MBNL1: variants seen among roughly 807,000 people sequenced by gnomAD.
MBNL1 encodes muscleblind-like protein 1.
A neutral mutation model predicts 42.2 loss-of-function variants in MBNL1; 8 were observed. That is an observed-to-expected ratio of 0.19 (90% CI 0.11 to 0.34). MBNL1 has a LOEUF of 0.34. Among genes scored for constraint, MBNL1 ranks in the 10% least tolerant of loss-of-function variants. The probability of loss-of-function intolerance (pLI) is 1.00; values close to 1 mark genes in which losing one functional copy is unlikely to be tolerated. For missense variants in MBNL1, 309 were observed against 495.3 expected (o/e 0.62, Z 3.57); for synonymous variants, 169 against 173.9 (o/e 0.97, Z 0.22).
intron 2 of MBNL1, among the ~76,000 whole-genome samples, chr3:152,357,381 G>A (rs1369505249): frequency 6.6e-6 from 1 of 152,174 alleles, no homozygotes; most frequent in Non-Finnish European, 1.5e-5. Flanking sequence ...CATCTGCCAT[G>A]ATTACTTCAA....
rs1749193789 is a variant in MBNL1, at chr3:152,464,268, TCA to T, written c.*1903_*1904del. ...AAGTAGTTTTTCCTTCATAACATACTCAGTTTTGAATTACATGTAGTGTCACA... is the reference window on the plus strand; with the variant it reads ...AAGTAGTTTTTCCTTCATAACATACTGTTTTGAATTACATGTAGTGTCACA... On this transcript the variant is annotated 3_prime_UTR_variant, in exon 10 of 10. Transcript: ENST00000324210. 1.3e-5 allele frequency: 2 copies of T among 152,578 alleles called. No individual in the cohort carries two copies. Among genetic ancestry groups the T allele is most frequent in the African/African-American group, 4.8e-5 (2 of 41,448 alleles). The allele number at this position is 152,578 out of a possible 1,614,324, so 9.5% of individuals were successfully genotyped here. A position where few individuals can be genotyped will look rare whatever the true frequency, so the allele number is the denominator to read the frequency against.
intron 7 of MBNL1, among the ~76,000 whole-genome samples, chr3:152,455,930 G>C (rs138625306): frequency 6.6e-6 from 1 of 152,294 alleles, no homozygotes; most frequent in East Asian, 1.9e-4. Context: ...GTAAATACTT[G>C]TATTTTGACT....
intron 2 of MBNL1, among the ~76,000 whole-genome samples, chr3:152,372,082 T>G (rs1056255768): frequency 2.0e-5 from 3 of 152,368 alleles, no homozygotes; most frequent in Non-Finnish European, 2.9e-5. Flanking sequence ...TTTTTTCCAC[T>G]TGATCGATTT....
chr3:152,316,097 T>C (rs2071122903), intron 2 of MBNL1, among the ~76,000 whole-genome samples: 1 of 152,216 alleles, frequency 6.6e-6, no homozygotes, highest in South Asian at 2.1e-4. Context: ...ATTGAAGAAG[T>C]ACCACTCTCT....
In MBNL1 at chr3:152,411,571, G is replaced by T. The variant is rs558228415; in HGVS notation, c.175-3370G>T. ...GAAGACATATTTATATTTATATTTC[G>T]CATTAACCTAGCAGCCCAATTTAAT... On this transcript the variant is annotated intron_variant, in intron 2 of 9. Transcript: ENST00000324210. Among the ~76,000 whole-genome samples the T allele has an allele frequency of 5.3e-5, 8 of 152,100 alleles. No homozygotes were observed. The South Asian group carries it at 1.0e-3, about 20-fold the overall frequency.
At chr3:152,342,899 T>C (rs80309275) in intron 2 of MBNL1, among the ~76,000 whole-genome samples, 25,354 of 152,088 alleles carry the variant, frequency 0.17, 2,318 homozygotes, top group East Asian at 0.26. Flanking sequence ...AATGTTGGCT[T>C]TTAGTAATTG....
chr3:152,405,056 A>G (rs987615383), intron 2 of MBNL1, among the ~76,000 whole-genome samples: 3 of 152,180 alleles, frequency 2.0e-5, no homozygotes, highest in African/African-American at 7.2e-5. Flanking sequence ...TGGAAATGCT[A>G]TGTGGATTAG....
intron 2 of MBNL1, chr3:152,302,370 T>G (rs1461874858): frequency 6.6e-6 from 1 of 152,136 alleles, no homozygotes; most frequent in African/African-American, 2.4e-5. Flanking sequence ...AAACATGAAT[T>G]TATTTATGAT....
At chr3:152,297,344 G>GTTTT (rs1201662855) in intron 1 of MBNL1, among the ~76,000 whole-genome samples, 3 of 124,366 alleles carry the variant, frequency 2.4e-5, no homozygotes, top group Admixed American at 8.2e-5. Context: ...TGGGGATGAG[G>GTTTT]TTTTTTTTTT....
intron 4 of MBNL1, among the ~76,000 whole-genome samples, chr3:152,441,328 A>G (rs1143837): frequency 0.02 from 3,039 of 152,318 alleles, 58 homozygotes; most frequent in Non-Finnish European, 0.032. Flanking sequence ...TAGAGATCAA[A>G]TGACAGGATT....
intron 2 of MBNL1, among the ~76,000 whole-genome samples, chr3:152,261,147 G>C (rs1214720531): frequency 6.6e-6 from 1 of 152,114 alleles, no homozygotes; most frequent in Admixed American, 6.5e-5. Context: ...CATCTAAGGG[G>C]CTTAAAAAAG....
intron 1 of MBNL1, among the ~76,000 whole-genome samples, chr3:152,294,768 A>G (rs191236548): frequency 2.6e-5 from 4 of 152,216 alleles, no homozygotes; most frequent in Non-Finnish European, 4.4e-5. Context: ...TAATCTGGAC[A>G]TTACCCACAT....
intron 2 of MBNL1, among the ~76,000 whole-genome samples, chr3:152,402,041 A>G (rs1157492508): frequency 6.6e-6 from 1 of 152,020 alleles, no homozygotes; most frequent in South Asian, 2.1e-4. Flanking sequence ...CAAAAAAAAA[A>G]AAAAAAAGAT....
chr3:152,432,382 A>G (rs1458829231), intron 3 of MBNL1, among the ~76,000 whole-genome samples: 4 of 152,226 alleles, frequency 2.6e-5, no homozygotes, highest in Non-Finnish European at 5.9e-5. Flanking sequence ...AAATCAGGAC[A>G]AAGATGAAGA....
At chr3:152,426,858 T>G (rs896666459) in intron 3 of MBNL1, among the ~76,000 whole-genome samples, 2 of 152,244 alleles carry the variant, frequency 1.3e-5, no homozygotes, top group African/African-American at 2.4e-5. Flanking sequence ...CTTGAGAGCT[T>G]CTTTGCTGCT....
chr3:152,305,597 G>A (rs1187205226), intron 2 of MBNL1, among the ~76,000 whole-genome samples: 1 of 151,946 alleles, frequency 6.6e-6, no homozygotes, highest in Non-Finnish European at 1.5e-5. Flanking sequence ...CAGTAGAAGT[G>A]GGTAACTAGA....
intron 2 of MBNL1, among the ~76,000 whole-genome samples, chr3:152,409,049 A>T (rs997501983): frequency 6.6e-6 from 1 of 152,220 alleles, no homozygotes; most frequent in Non-Finnish European, 1.5e-5. Context: ...TAAGAGCAAC[A>T]ATATACTTCG....
chr3:152,406,757 T>A (rs747164743), intron 2 of MBNL1, among the ~76,000 whole-genome samples: 22 of 152,192 alleles, frequency 1.4e-4, no homozygotes, highest in Non-Finnish European at 2.9e-4. Flanking sequence ...TTTCAGTATC[T>A]GAGAATCTTC....
At chr3:152,448,038 C>T (rs2153870908) in intron 6 of MBNL1, among the ~76,000 whole-genome samples, 1 of 152,210 alleles carries the variant, frequency 6.6e-6, no homozygotes, top group South Asian at 2.1e-4. Context: ...ATATAGTTCT[C>T]TTTTTTTCTC....
Sources: gnomAD v4.1 joint callset for allele counts (sites outside exome capture counted in the v4.1 genomes callset) on GRCh38, gnomAD v4.1.1 for gene constraint, MANE v1.5 for transcripts, NCBI Gene and HGNC (gene_info 2026-07-23, HGNC 2026-07-21) for gene names.